The following USO1 variants were observed in gnomAD, a reference collection of about 807,000 sequenced individuals.
USO1 encodes the protein general vesicular transport factor p115.
Under a neutral mutation model 124.5 loss-of-function variants are expected in USO1, and 57 were observed. The observed-to-expected ratio is 0.46, with a 90% confidence interval of 0.37 to 0.57. The LOEUF (loss-of-function observed/expected upper bound fraction) is 0.57. Ranked by LOEUF, USO1 falls within the 20% of genes least tolerant of loss-of-function variation. The pLI, the probability that USO1 is intolerant of heterozygous loss-of-function variation, is 0.00. For missense variants in USO1, 900 were observed against 1,040.6 expected, an observed-to-expected ratio of 0.86 and a Z score of 1.86; for synonymous variants, 369 against 362.8, an observed-to-expected ratio of 1.02 and a Z score of -0.19.
chr4:75,732,537 A>T (rs927954497), intron 1 of USO1, among the ~76,000 whole-genome samples: 6 of 152,172 alleles, frequency 3.9e-5, no homozygotes, highest in African/African-American at 1.4e-4. Flanking sequence ...CATTAAAAAC[A>T]TTATAATTGA....
At chr4:75,738,859 G>A (rs1013872295) in intron 1 of USO1, among the ~76,000 whole-genome samples, 1 of 151,636 alleles carries the variant, frequency 6.6e-6, no homozygotes, top group Non-Finnish European at 1.5e-5. Context: ...TGTTTGTTTT[G>A]TTTGGTTTAT....
At chr4:75,730,208 C>T (rs1043522901) in intron 1 of USO1, among the ~76,000 whole-genome samples, 1 of 152,034 alleles carries the variant, frequency 6.6e-6, no homozygotes, top group Non-Finnish European at 1.5e-5. Flanking sequence ...ATATAGGGTT[C>T]ATTTAAAAGT....
At chr4:75,764,496 C>G (rs1279306161) in intron 4 of USO1, among the ~76,000 whole-genome samples, 1 of 152,178 alleles carries the variant, frequency 6.6e-6, no homozygotes, top group East Asian at 1.9e-4. Context: ...ACATGCCACA[C>G]TATCCTTTGT....
chr4:75,779,868 C>T (rs985327178), intron 8 of USO1, among the ~76,000 whole-genome samples: 2 of 152,166 alleles, frequency 1.3e-5, no homozygotes, highest in Non-Finnish European at 2.9e-5. Flanking sequence ...GAAGAAGATG[C>T]CATCTAGAAC....
At chr4:75,729,850 G>A in intron 1 of USO1, 1 of 267,346 alleles carries the variant, frequency 3.7e-6, no homozygotes, top group East Asian at 1.2e-4. Context: ...TCAGAAAGCA[G>A]AAGGGCTAAC....
At chr4:75,762,311 G>C (rs1270447143) in intron 4 of USO1, among the ~76,000 whole-genome samples, 1 of 150,414 alleles carries the variant, frequency 6.6e-6, no homozygotes, top group Admixed American at 6.7e-5. Flanking sequence ...GCTGGGATTA[G>C]TGTCACCACA....
intron 3 of USO1, chr4:75,755,385 A>G: frequency 2.0e-6 from 1 of 509,688 alleles, no homozygotes; most frequent in Non-Finnish European, 3.9e-6. Context: ...ATATGTTGCA[A>G]GAATTATCCT....
chr4:75,784,852 T>G (rs1044669150), intron 9 of USO1, among the ~76,000 whole-genome samples: 8 of 151,976 alleles, frequency 5.3e-5, no homozygotes, highest in African/African-American at 1.9e-4. Context: ...AAAAATACAG[T>G]ATTCTCGTTA....
rs76884425 is a variant in USO1, at chr4:75,784,940, T to A, written c.855+2082T>A. 7.4e-3 allele frequency among the ~76,000 whole-genome samples: 1,131 copies of A among 152,328 alleles called. 8 individuals carry two copies. Among genetic ancestry groups the A allele is most frequent in the African/African-American group, 0.026 (1,078 of 41,570 alleles). On this transcript the variant is annotated intron_variant, in intron 9 of 23. Transcript: ENST00000514213. ...GACTTTCTGTAGCTTAGTAAAGCTT[T>A]TATCTCTTACACTTGTCGTGAAGAC...
intron 1 of USO1, among the ~76,000 whole-genome samples, chr4:75,741,890 C>T (rs936131467): frequency 6.6e-6 from 1 of 152,004 alleles, no homozygotes; most frequent in East Asian, 1.9e-4. Flanking sequence ...CTACCATGCC[C>T]GGCCACTTTT....
chr4:75,804,698 CT>C (rs969453106), intron 18 of USO1, among the ~76,000 whole-genome samples: 14 of 152,164 alleles, frequency 9.2e-5, no homozygotes, highest in Non-Finnish European at 4.4e-5. Flanking sequence ...TCAGTTTCCT[CT>C]TCTGCAAAAT....
chr4:75,793,586 A>G, intron 12 of USO1, 104 bp from the exon 13 acceptor site: 2 of 1,376,736 alleles, frequency 1.5e-6, no homozygotes. Context: ...GATTATATTT[A>G]ATGGTATTTC....
chr4:75,769,158 T>C (rs1721852370), intron 4 of USO1, among the ~76,000 whole-genome samples: 1 of 152,220 alleles, frequency 6.6e-6, no homozygotes, highest in African/African-American at 2.4e-5. Context: ...GCCACCTTCA[T>C]GTGACTCTTT....
At chr4:75,783,603 C>T (rs1416277187) in intron 9 of USO1, among the ~76,000 whole-genome samples, 1 of 152,034 alleles carries the variant, frequency 6.6e-6, no homozygotes, top group Non-Finnish European at 1.5e-5. Flanking sequence ...TGAATTATAC[C>T]TGTGTTTCTC....
At chr4:75,746,753 T>TA (rs1379367981) in intron 1 of USO1, among the ~76,000 whole-genome samples, 3 of 152,214 alleles carry the variant, frequency 2.0e-5, no homozygotes, top group Non-Finnish European at 2.9e-5. Context: ...ATAAGTTGCA[T>TA]AGTCCGTGTT....
chr4:75,757,639 C>G (rs543679434), intron 4 of USO1, 66 bp downstream of exon 4: 137 of 1,311,172 alleles, frequency 1.0e-4, no homozygotes, highest in Non-Finnish European at 1.3e-4. Context: ...GCTAATTTTG[C>G]TGGTTTTAAA....
chr4:75,751,288 T>C (rs923784733), intron 1 of USO1, among the ~76,000 whole-genome samples: 23 of 150,828 alleles, frequency 1.5e-4, no homozygotes, highest in African/African-American at 5.6e-4. Flanking sequence ...CTCGGCTCAC[T>C]GCAACCTCCG....
chr4:75,789,980 T>A (rs1722481280), intron 10 of USO1, among the ~76,000 whole-genome samples, 170 bp from the exon 11 acceptor site: 1 of 151,958 alleles, frequency 6.6e-6, no homozygotes, highest in African/African-American at 2.4e-5. Context: ...TATAAGATTT[T>A]TTTTCATGTA....
At chr4:75,744,699 C>T (rs558306104) in intron 1 of USO1, among the ~76,000 whole-genome samples, 3 of 152,282 alleles carry the variant, frequency 2.0e-5, no homozygotes, top group African/African-American at 7.2e-5. Flanking sequence ...GGATTAGAGG[C>T]GTAAGCCACC....
Sources: allele counts gnomAD v4.1 joint callset (sites outside exome capture counted in the v4.1 genomes callset), GRCh38; gene constraint gnomAD v4.1.1; transcripts MANE v1.5; gene names NCBI Gene and HGNC (gene_info 2026-07-23, HGNC 2026-07-21).